Variants in R3HCC1L observed in about 807,000 individuals in gnomAD.
R3HCC1L encodes the protein R3H domain and coiled-coil containing 1 like.
A neutral mutation model predicts 59.9 loss-of-function variants in R3HCC1L; 51 were observed. The ratio of observed to expected loss-of-function variants is 0.85; its 90% CI spans 0.68 to 1.07. The LOEUF (loss-of-function observed/expected upper bound fraction) is 1.07. Ranked by LOEUF, R3HCC1L falls within the 50% of genes least tolerant of loss-of-function variation. The pLI, the probability that R3HCC1L is intolerant of heterozygous loss-of-function variation, is 0.00. For missense variants in R3HCC1L, 965 were observed against 933.0 expected, an observed-to-expected ratio of 1.03 and a Z score of -0.45; for synonymous variants, 322 against 315.2, an observed-to-expected ratio of 1.02 and a Z score of -0.23.
In R3HCC1L at chr10:98,235,515, A is replaced by T; in HGVS notation, c.2123A>T (p.Tyr708Phe). 1 of 1,610,128 alleles carries T rather than the reference A, an allele frequency of 6.2e-7. No individual in the cohort carries two copies. Residue 708 changes from tyrosine to phenylalanine, a missense_variant, in exon 8 of 10, where the codon TAT becomes TTT. Transcript: ENST00000298999. Reference sequence around the variant, plus strand: ...GCAGCCAAGGCCAAAGCTAGAGCTTATGCTGGTGAGTCTATAATCTCTGGG... The same window carrying T: ...GCAGCCAAGGCCAAAGCTAGAGCTTTTGCTGGTGAGTCTATAATCTCTGGG... Reference protein sequence around the residue: ...TRAAKAKARAYAEFLQPAKER... With the variant: ...TRAAKAKARAFAEFLQPAKER...
At chr10:98,136,167 G>A (rs10786391) in intron 1 of R3HCC1L, among the ~76,000 whole-genome samples, 102,773 of 151,892 alleles carry the variant, frequency 0.68, 34,934 homozygotes, top group African/African-American at 0.76. Flanking sequence ...CGACCTCTGC[G>A]ATTAATTTTT....
chr10:98,179,915 A>AT (rs1050896344), intron 4 of R3HCC1L, among the ~76,000 whole-genome samples: 2 of 152,022 alleles, frequency 1.3e-5, no homozygotes, highest in Admixed American at 1.3e-4. Context: ...GTGATATCCC[A>AT]TTTATCATTT....
chr10:98,154,400 C>T (rs376954514), intron 1 of R3HCC1L, among the ~76,000 whole-genome samples: 1 of 152,052 alleles, frequency 6.6e-6, no homozygotes, highest in East Asian at 1.9e-4. Context: ...TCTTTCTTTC[C>T]TTGGGGACAC....
chr10:98,233,978 C>T (rs1856655445), intron 6 of R3HCC1L, among the ~76,000 whole-genome samples: 1 of 152,014 alleles, frequency 6.6e-6, no homozygotes, highest in Admixed American at 6.6e-5. Flanking sequence ...AGTATAATCT[C>T]CCCTACCCCA....
At chr10:98,201,240 C>G (rs538726977) in intron 4 of R3HCC1L, among the ~76,000 whole-genome samples, 49 of 152,224 alleles carry the variant, frequency 3.2e-4, no homozygotes, top group African/African-American at 1.1e-3. Flanking sequence ...TCTTAACATT[C>G]AAGATATTTG....
In R3HCC1L at chr10:98,223,993, C is replaced by T. The variant is rs527568232; in HGVS notation, c.1786-7519C>T. On this transcript the variant is annotated intron_variant, in intron 5 of 9. Coordinates refer to ENST00000298999, the MANE Select transcript of R3HCC1L (RefSeq NM_001351015.2). ...CCAAGCAGCACGCAGAATAATTACGCAGGTGGGGGGTTGTGGCGGGTCAAT... is the reference window on the plus strand; with the variant it reads ...CCAAGCAGCACGCAGAATAATTACGTAGGTGGGGGGTTGTGGCGGGTCAAT... Among the ~76,000 whole-genome samples, 6 of 152,240 alleles carry T rather than the reference C, an allele frequency of 3.9e-5. No individual in the cohort carries two copies. In the East Asian group the frequency reaches 7.7e-4, roughly 20 times the overall value.
At chr10:98,142,425 G>T (rs1845234926) in intron 1 of R3HCC1L, among the ~76,000 whole-genome samples, 1 of 151,770 alleles carries the variant, frequency 6.6e-6, no homozygotes, top group Admixed American at 6.6e-5. Flanking sequence ...ATCACTTAAG[G>T]CCAGGAGTTC....
chr10:98,241,384 T>C (rs1042622263), intron 9 of R3HCC1L, among the ~76,000 whole-genome samples: 17 of 152,194 alleles, frequency 1.1e-4, no homozygotes, highest in African/African-American at 3.9e-4. Context: ...CATTCTCTTA[T>C]GTAAAGTCTT....
chr10:98,220,337 ATTCT>A (rs988863890), intron 5 of R3HCC1L, among the ~76,000 whole-genome samples: 6 of 139,098 alleles, frequency 4.3e-5, no homozygotes, highest in African/African-American at 1.6e-4. Flanking sequence ...ATATTTTTGA[ATTCT>A]TTGTCAGGCA....
intron 4 of R3HCC1L, among the ~76,000 whole-genome samples, chr10:98,165,185 G>A (rs1477230683): frequency 1.3e-5 from 2 of 152,184 alleles, no homozygotes; most frequent in African/African-American, 4.8e-5. Context: ...CCTTGCTTGA[G>A]CCAGGCAGGC....
chr10:98,165,537 A>G (rs1361317708), intron 4 of R3HCC1L, among the ~76,000 whole-genome samples: 2 of 152,256 alleles, frequency 1.3e-5, no homozygotes, highest in African/African-American at 2.4e-5. Context: ...TTGATTTGAT[A>G]CGTATGCTAT....
intron 5 of R3HCC1L, among the ~76,000 whole-genome samples, chr10:98,223,412 G>A (rs142643649): frequency 6.6e-6 from 1 of 151,880 alleles, no homozygotes; most frequent in African/African-American, 2.4e-5. Context: ...TAATTACTGT[G>A]TTCTTTTGGA....
At chr10:98,159,669 CTTTA>C (rs1461216296) in intron 2 of R3HCC1L, among the ~76,000 whole-genome samples, 1 of 152,100 alleles carries the variant, frequency 6.6e-6, no homozygotes, top group African/African-American at 2.4e-5. Flanking sequence ...TATAATAGTA[CTTTA>C]TTTATTTTGA....
intron 4 of R3HCC1L, among the ~76,000 whole-genome samples, chr10:98,163,768 G>C (rs1847667828): frequency 6.6e-6 from 1 of 152,190 alleles, no homozygotes; most frequent in South Asian, 2.1e-4. Context: ...CAAAGATGCA[G>C]TGTTATTTTA....
In R3HCC1L at chr10:98,237,675, T is replaced by C. The variant is rs372765851; in HGVS notation, c.2269+1511T>C. Among the ~76,000 whole-genome samples the C allele has an allele frequency of 3.3e-5, 5 of 152,322 alleles. No individual in the cohort carries two copies. The South Asian group carries it at 1.0e-3, about 32-fold the overall frequency. On this transcript the variant is annotated intron_variant, in intron 9 of 9. Transcript: ENST00000298999. ...GAATAGAGACCCACTGTGATAAGTT[T>C]CTCCTACCTATTGGTGCTGAGGCTG... is the stretch of plus-strand genomic sequence containing the variant.
chr10:98,156,713 G>T (rs778578135), intron 2 of R3HCC1L, among the ~76,000 whole-genome samples: 1 of 152,112 alleles, frequency 6.6e-6, no homozygotes, highest in African/African-American at 2.4e-5. Flanking sequence ...TTGGCACTTG[G>T]GTATTTTATG....
chr10:98,142,023 GT>G lies in R3HCC1L; in HGVS notation c.-268+7322del, dbSNP rs573537432. On this transcript the variant is annotated intron_variant, in intron 1 of 9. Coordinates refer to ENST00000298999, the MANE Select transcript of R3HCC1L (RefSeq NM_001351015.2). ...AATAAATGTTCTATTGAAAGTAAGG[GT>G]TTTTCCCTACTGCTGATGGTGTTAT... Among the ~76,000 whole-genome samples the G allele has an allele frequency of 3.0e-3, 455 of 152,216 alleles. 4 individuals are homozygous for G. Among genetic ancestry groups the G allele is most frequent in the African/African-American group, 9.3e-3 (386 of 41,532 alleles).
rs185284900 is a variant in R3HCC1L at position 98,187,355 on chromosome 10, G to C, written c.-14-20746G>C. Among the ~76,000 whole-genome samples, 354 of 152,222 alleles carry C rather than the reference G, an allele frequency of 2.3e-3. 1 individual carries two copies. The highest frequency in any genetic ancestry group is 8.3e-3 in the African/African-American group (346 of 41,556). On this transcript the variant is annotated intron_variant, in intron 4 of 9. Transcript: ENST00000298999. ...GGACTTTGGAGCATTTTGGATTGCA[G>C]ATTTTCACATTAGGGCATATCAGCC...
At chr10:98,235,261 T>TA (rs1345649500) in intron 7 of R3HCC1L, among the ~76,000 whole-genome samples, 164 bp from the exon 8 acceptor site, 1 of 152,232 alleles carries the variant, frequency 6.6e-6, no homozygotes, top group Admixed American at 6.5e-5. Context: ...AGTTTGCTGA[T>TA]ACCTGATCTA....
Sources: allele counts gnomAD v4.1 joint callset (sites outside exome capture counted in the v4.1 genomes callset), GRCh38; gene constraint gnomAD v4.1.1; transcripts MANE v1.5; gene names NCBI Gene and HGNC (gene_info 2026-07-23, HGNC 2026-07-21).